PPARGC1A: variants seen among roughly 807,000 people sequenced by gnomAD.
The protein encoded by PPARGC1A is peroxisome proliferator-activated receptor gamma coactivator 1-alpha.
PPARGC1A carries 25 observed loss-of-function variants against 88.7 expected under a neutral mutation model. That is an observed-to-expected ratio of 0.28 (90% CI 0.21 to 0.39). The LOEUF (loss-of-function observed/expected upper bound fraction) is 0.39. Ranked by LOEUF, PPARGC1A falls within the 10% of genes least tolerant of loss-of-function variation. The pLI is 1.00. For missense variants in PPARGC1A, 880 were observed against 968.7 expected (o/e 0.91, Z 1.22); for synonymous variants, 363 against 355.6 (o/e 1.02, Z -0.24).
the PPARGC1A span, among the ~76,000 whole-genome samples, chr4:24,405,309 T>C: frequency 6.6e-6 from 1 of 152,114 alleles, no homozygotes; most frequent in African/African-American, 2.4e-5. Flanking sequence ...AAAGAAAAAG[T>C]ATTTTCCCCT....
chr4:23,893,808 A>G (rs1718190520), upstream of PPARGC1A, among the ~76,000 whole-genome samples: 1 of 152,218 alleles, frequency 6.6e-6, no homozygotes, highest in Admixed American at 6.5e-5. Context: ...TATTTATACA[A>G]TAACTACATA....
chr4:24,351,088 G>A, the PPARGC1A span, among the ~76,000 whole-genome samples: 1 of 152,118 alleles, frequency 6.6e-6, no homozygotes, highest in Admixed American at 6.5e-5. Context: ...AGAATTAGCT[G>A]GGAGCGGTGG....
chr4:24,355,729 C>T, the PPARGC1A span, among the ~76,000 whole-genome samples: 30 of 152,088 alleles, frequency 2.0e-4, no homozygotes, highest in South Asian at 1.5e-3. Context: ...AGTCACAAAC[C>T]CGCCGAGAGA....
the PPARGC1A span, among the ~76,000 whole-genome samples, chr4:24,131,957 A>G: frequency 6.6e-6 from 1 of 152,346 alleles, no homozygotes; most frequent in South Asian, 2.1e-4. Context: ...GCTTATGCAC[A>G]CTTGAAAATA....
the PPARGC1A span, among the ~76,000 whole-genome samples, chr4:24,277,043 G>A: frequency 2.0e-5 from 3 of 152,236 alleles, no homozygotes; most frequent in Non-Finnish European, 1.5e-5. Context: ...ACCTTCAAAG[G>A]TATTCATTTG....
chr4:24,149,519 C>T, the PPARGC1A span, among the ~76,000 whole-genome samples: 1 of 152,062 alleles, frequency 6.6e-6, no homozygotes, highest in Non-Finnish European at 1.5e-5. Flanking sequence ...TACTAATTTA[C>T]TTTGTTCATT....
At chr4:23,810,966 G>T (rs763194029) in intron 10 of PPARGC1A, among the ~76,000 whole-genome samples, 2 of 152,082 alleles carry the variant, frequency 1.3e-5, no homozygotes, top group African/African-American at 2.4e-5. Context: ...ATTAGTCTTC[G>T]TAAGTGTTAA....
At chr4:24,171,192 G>A in the PPARGC1A span, among the ~76,000 whole-genome samples, 7 of 151,994 alleles carry the variant, frequency 4.6e-5, no homozygotes, top group South Asian at 4.2e-4. Flanking sequence ...CCGGCGGATC[G>A]GTCAAGGGAT....
chr4:23,932,204 C>A, the PPARGC1A span, among the ~76,000 whole-genome samples: 1 of 152,224 alleles, frequency 6.6e-6, no homozygotes, highest in South Asian at 2.1e-4. Flanking sequence ...AGGTACTGAT[C>A]AATAAAGATT....
chr4:24,219,830 C>T, the PPARGC1A span, among the ~76,000 whole-genome samples: 3 of 152,180 alleles, frequency 2.0e-5, no homozygotes, highest in East Asian at 3.8e-4. Flanking sequence ...CCTGCCCATC[C>T]GTCCTGTTGA....
intron 2 of PPARGC1A, among the ~76,000 whole-genome samples, chr4:23,876,744 G>T (rs1444767228): frequency 1.3e-5 from 2 of 151,902 alleles, no homozygotes; most frequent in Non-Finnish European, 2.9e-5. Context: ...AAACTCAATG[G>T]GGGCTCACTC....
At chr4:24,153,925 G>A in the PPARGC1A span, among the ~76,000 whole-genome samples, 1 of 152,068 alleles carries the variant, frequency 6.6e-6, no homozygotes, top group Non-Finnish European at 1.5e-5. Flanking sequence ...AAACAAAAAG[G>A]TAGAGAAAAT....
the PPARGC1A span, among the ~76,000 whole-genome samples, chr4:24,050,986 G>A: frequency 6.6e-6 from 1 of 152,046 alleles, no homozygotes; most frequent in African/African-American, 2.4e-5. Flanking sequence ...AGGAGATGGA[G>A]ACCATCCTGG....
At chr4:24,304,254 G>A in the PPARGC1A span, among the ~76,000 whole-genome samples, 1 of 152,272 alleles carries the variant, frequency 6.6e-6, no homozygotes, top group South Asian at 2.1e-4. Flanking sequence ...TTGACTTCTA[G>A]TGAGTGCTAA....
At chr4:24,330,466 C>T in the PPARGC1A span, among the ~76,000 whole-genome samples, 1 of 152,138 alleles carries the variant, frequency 6.6e-6, no homozygotes, top group Non-Finnish European at 1.5e-5. Context: ...GCAACCATGC[C>T]AGCCCGGGTG....
At chr4:23,838,262 G>C (rs1307983857) in intron 2 of PPARGC1A, among the ~76,000 whole-genome samples, 1 of 151,656 alleles carries the variant, frequency 6.6e-6, no homozygotes, top group Non-Finnish European at 1.5e-5. Context: ...TTTTGTTTTT[G>C]CTTCTTTTAT....
chr4:24,089,549 C>T, the PPARGC1A span, among the ~76,000 whole-genome samples: 1 of 136,556 alleles, frequency 7.3e-6, no homozygotes, highest in African/African-American at 2.9e-5. Context: ...CTTGCTCTAT[C>T]ACCCAGGCTG....
chr4:24,042,081 G>A, the PPARGC1A span, among the ~76,000 whole-genome samples: 1 of 152,052 alleles, frequency 6.6e-6, no homozygotes. Context: ...TCCTTGTAAA[G>A]TTTATTATTA....
chr4:24,470,864 CG>C, the PPARGC1A span, among the ~76,000 whole-genome samples: 1 of 151,848 alleles, frequency 6.6e-6, no homozygotes, highest in Admixed American at 6.6e-5. This position sits in a 1 kb window ranked among gnomAD's most constrained non-coding sequence, Gnocchi z 5.8. Flanking sequence ...GAGCCCACGC[CG>C]GAGAGGTCTT....
Sources: allele counts gnomAD v4.1 joint callset (sites outside exome capture counted in the v4.1 genomes callset), GRCh38; gene constraint gnomAD v4.1.1; non-coding constraint Gnocchi (gnomAD v3.1); transcripts MANE v1.5; gene names NCBI Gene and HGNC (gene_info 2026-07-23, HGNC 2026-07-21).